TENM1: variants seen among roughly 807,000 people sequenced by gnomAD.
The protein encoded by TENM1 is teneurin transmembrane protein 1, also known as teneurin-1.
In TENM1, 35 loss-of-function variants were observed where a neutral mutation model predicts 174.8. The observed-to-expected ratio is 0.20, with a 90% CI of 0.15 to 0.27. The LOEUF (loss-of-function observed/expected upper bound fraction) is 0.27, where lower values mean the gene tolerates loss of function less well. TENM1 is among the 10% of genes least tolerant of loss of function. TENM1 has a pLI of 1.00. For synonymous variants in TENM1, 781 were observed against 798.7 expected (o/e 0.98, Z 0.37); for missense variants, 1,633 against 2,130.1 (o/e 0.77, Z 4.59).
chrX:125,177,493 T>C, the TENM1 span, among the ~76,000 whole-genome samples: 1 of 112,565 alleles, frequency 8.9e-6, no homozygotes. Context: ...TTTGTACATA[T>C]TTCAGAATTT....
At chrX:124,917,185 C>T (rs937278922) in intron 1 of TENM1, among the ~76,000 whole-genome samples, 3 of 111,815 alleles carry the variant, frequency 2.7e-5, no homozygotes, top group African/African-American at 9.8e-5. Context: ...CCATCTTGTA[C>T]ATAATAAAGC....
intron 5 of TENM1, among the ~76,000 whole-genome samples, chrX:124,694,062 T>C (rs1342286844): frequency 9.0e-6 from 1 of 111,498 alleles, no homozygotes; most frequent in African/African-American, 3.3e-5. Context: ...ACCTCTTGCT[T>C]TCTTCTTTCT....
intron 1 of TENM1, among the ~76,000 whole-genome samples, chrX:124,957,040 G>A (rs1004209647): frequency 5.3e-5 from 6 of 112,303 alleles, no homozygotes; most frequent in Non-Finnish European, 1.1e-4. Flanking sequence ...GGATGAAGTG[G>A]CTTATCATAC....
At chrX:124,768,662 T>G (rs2148618355) in intron 3 of TENM1, among the ~76,000 whole-genome samples, 1 of 112,606 alleles carries the variant, frequency 8.9e-6, no homozygotes, top group East Asian at 2.8e-4. Flanking sequence ...GAAGTTGGAT[T>G]ATTCATAACA....
At chrX:124,895,944 T>C (rs2057555321) in intron 2 of TENM1, 37 bp downstream of exon 5, 1 of 1,196,057 alleles carries the variant, frequency 8.4e-7, no homozygotes, top group Non-Finnish European at 1.1e-6. Flanking sequence ...CTGCATTCTT[T>C]CTGTGTTTTA....
chrX:124,543,284 G>A (rs974768453), intron 15 of TENM1, among the ~76,000 whole-genome samples: 1 of 112,416 alleles, frequency 8.9e-6, no homozygotes, highest in Admixed American at 9.4e-5. Flanking sequence ...ATTTCTAAAT[G>A]TCAGGACAAA....
intron 1 of TENM1, among the ~76,000 whole-genome samples, chrX:124,942,683 T>C (rs1467206148): frequency 9.0e-6 from 1 of 111,633 alleles, no homozygotes; most frequent in African/African-American, 3.3e-5. Context: ...ATTTGTCTAT[T>C]GCTAGGGTTC....
intron 16 of TENM1, among the ~76,000 whole-genome samples, chrX:124,526,740 T>G (rs2047985418): frequency 1.8e-5 from 2 of 112,359 alleles, no homozygotes; most frequent in African/African-American, 6.5e-5. Context: ...GGAAGGCTAT[T>G]GACACCTATG....
chrX:125,003,873 C>T, the TENM1 span, among the ~76,000 whole-genome samples: 2 of 111,342 alleles, frequency 1.8e-5, no homozygotes, highest in African/African-American at 6.5e-5. Flanking sequence ...TTGAGTGGGT[C>T]GGGCCATTGT....
intron 3 of TENM1, among the ~76,000 whole-genome samples, chrX:124,737,812 C>T (rs189997739): frequency 6.8e-4 from 76 of 112,255 alleles, no homozygotes; most frequent in African/African-American, 2.4e-3. Flanking sequence ...GAAGTTTGTT[C>T]AAGTTGTTAT....
intron 3 of TENM1, among the ~76,000 whole-genome samples, chrX:124,880,767 C>G (rs1397762642): frequency 9.0e-6 from 1 of 111,467 alleles, no homozygotes; most frequent in Non-Finnish European, 1.9e-5. Flanking sequence ...TTATCAAATG[C>G]TTTTCTACAT....
chrX:124,747,768 C>T (rs912433758), intron 3 of TENM1, among the ~76,000 whole-genome samples: 4 of 110,160 alleles, frequency 3.6e-5, no homozygotes, highest in Non-Finnish European at 5.7e-5. Context: ...AATGCACAGA[C>T]GCTCCTTTCT....
intron 1 of TENM1, among the ~76,000 whole-genome samples, chrX:124,951,673 T>TATATATA (rs767583231): frequency 9.1e-5 from 6 of 66,080 alleles, no homozygotes; most frequent in East Asian, 5.0e-4. Context: ...TATATATATA[T>TATATATA]AACAATCAAT....
At chrX:124,706,040 G>A (rs1377889751) in intron 4 of TENM1, among the ~76,000 whole-genome samples, 1 of 111,172 alleles carries the variant, frequency 9.0e-6, no homozygotes, top group Non-Finnish European at 1.9e-5. Context: ...TGAGTAGCTG[G>A]GACTACAGTT....
the TENM1 span, among the ~76,000 whole-genome samples, chrX:125,174,220 G>A: frequency 3.6e-5 from 4 of 111,284 alleles, no homozygotes; most frequent in African/African-American, 6.5e-5. Flanking sequence ...CAAGAGGTTG[G>A]AGACATGGGA....
At chrX:124,645,321 C>G (rs749079707) in exon 10 of TENM1, 1 of 1,209,115 alleles carries the variant, frequency 8.3e-7, no homozygotes, top group East Asian at 3.0e-5. Flanking sequence ...TCCCACCACA[C>G]AGCACAGGGC....
At chrX:124,714,670 C>A (rs1032897138) in intron 4 of TENM1, among the ~76,000 whole-genome samples, 2 of 110,887 alleles carry the variant, frequency 1.8e-5, no homozygotes, top group Non-Finnish European at 3.8e-5. Context: ...TTTCCCATGT[C>A]AATTAATATA....
chrX:125,067,170 G>A, the TENM1 span, among the ~76,000 whole-genome samples: 8 of 111,118 alleles, frequency 7.2e-5, no homozygotes, highest in Non-Finnish European at 1.1e-4. Flanking sequence ...GAGAACCTTG[G>A]TTTGCAGAGA....
intron 3 of TENM1, among the ~76,000 whole-genome samples, chrX:124,745,291 G>T (rs896910851): frequency 1.8e-5 from 2 of 111,130 alleles, no homozygotes; most frequent in African/African-American, 6.5e-5. Flanking sequence ...CTATAATTGG[G>T]AGCTAAACAA....
Sources: gnomAD v4.1 joint callset for allele counts (sites outside exome capture counted in the v4.1 genomes callset) on GRCh38, gnomAD v4.1.1 for gene constraint, MANE v1.5 for transcripts, NCBI Gene and HGNC (gene_info 2026-07-23, HGNC 2026-07-21) for gene names.